Variants in CSMD1 observed in about 807,000 individuals in gnomAD.
CSMD1 encodes the protein CUB and sushi domain-containing protein 1.
A neutral mutation model predicts 417.5 loss-of-function variants in CSMD1; 213 were observed. That is an observed-to-expected ratio of 0.51 (90% CI 0.46 to 0.57). The LOEUF (loss-of-function observed/expected upper bound fraction) is 0.57. Ranked by LOEUF, CSMD1 falls within the 20% of genes least tolerant of loss-of-function variation. CSMD1 has a pLI of 0.00. For synonymous variants in CSMD1, 2,862 were observed against 1,736.8 expected, an observed-to-expected ratio of 1.65 and a Z score of -16.11; for missense variants, 6,923 against 4,529.7, an observed-to-expected ratio of 1.53 and a Z score of -15.17.
intron 7 of CSMD1, among the ~76,000 whole-genome samples, chr8:3,617,003 T>C (rs965273294): frequency 2.0e-5 from 3 of 152,210 alleles, no homozygotes; most frequent in African/African-American, 7.2e-5. Context: ...AGTGAAAGGA[T>C]GATAATCTTT....
At chr8:4,528,980 T>A (rs1047638683) in intron 2 of CSMD1, among the ~76,000 whole-genome samples, 5 of 152,192 alleles carry the variant, frequency 3.3e-5, no homozygotes, top group South Asian at 2.1e-4. Context: ...TTTGTGAGAT[T>A]TATTAACAAA....
At chr8:3,063,790 C>G (rs116295811) in intron 49 of CSMD1, among the ~76,000 whole-genome samples, 337 of 152,160 alleles carry the variant, frequency 2.2e-3, no homozygotes, top group African/African-American at 7.8e-3. Flanking sequence ...TTCAGAGAGA[C>G]AAAGTAAAAT....
At chr8:3,083,632 A>T (rs1231073478) in intron 49 of CSMD1, among the ~76,000 whole-genome samples, 1 of 28,054 alleles carries the variant, frequency 3.6e-5, no homozygotes, top group African/African-American at 1.5e-4. Context: ...ATATATATAT[A>T]TATATATATA....
intron 42 of CSMD1, among the ~76,000 whole-genome samples, chr8:3,112,421 C>G (rs746974): frequency 0.22 from 33,682 of 152,114 alleles, 3,850 homozygotes; most frequent in East Asian, 0.31. Flanking sequence ...AAAAAGCCAT[C>G]GTTCCCACCT....
At chr8:4,399,386 C>G (rs1209608657) in intron 3 of CSMD1, among the ~76,000 whole-genome samples, 5 of 152,150 alleles carry the variant, frequency 3.3e-5, no homozygotes, top group Non-Finnish European at 1.5e-5. Context: ...AATAGAGTTT[C>G]AAACATAGGC....
chr8:3,314,015 C>G (rs923237733), intron 23 of CSMD1, among the ~76,000 whole-genome samples: 4 of 151,924 alleles, frequency 2.6e-5, no homozygotes, highest in Admixed American at 6.6e-5. Context: ...CAAACTATCA[C>G]AAGGACAAAA....
intron 7 of CSMD1, among the ~76,000 whole-genome samples, chr8:3,675,697 G>A (rs1412096724): frequency 6.6e-6 from 1 of 152,178 alleles, no homozygotes; most frequent in African/African-American, 2.4e-5. Context: ...CAGGAAACGG[G>A]TCCTTGCAAG....
intron 3 of CSMD1, among the ~76,000 whole-genome samples, chr8:4,414,184 CTCTT>C (rs1796802452): frequency 6.6e-6 from 1 of 152,132 alleles, no homozygotes; most frequent in Non-Finnish European, 1.5e-5. Flanking sequence ...AATCTAGCTG[CTCTT>C]TCTAAATCCA....
At chr8:3,752,899 A>G (rs1286197228) in intron 6 of CSMD1, among the ~76,000 whole-genome samples, 1 of 152,108 alleles carries the variant, frequency 6.6e-6, no homozygotes, top group East Asian at 1.9e-4. Flanking sequence ...TGAAAGCATT[A>G]TGGATTTTAA....
chr8:3,700,101 T>C (rs1267840215), intron 7 of CSMD1, among the ~76,000 whole-genome samples: 1 of 152,080 alleles, frequency 6.6e-6, no homozygotes, highest in Admixed American at 6.6e-5. Flanking sequence ...TCTGTGGACG[T>C]TGGGGGAAGA....
intron 36 of CSMD1, 83 bp downstream of exon 36, chr8:3,187,786 G>T: frequency 1.0e-6 from 1 of 969,686 alleles, no homozygotes; most frequent in Non-Finnish European, 1.6e-6. Flanking sequence ...ATTTCTATGT[G>T]GAGTGTTTGC....
intron 51 of CSMD1, among the ~76,000 whole-genome samples, chr8:3,025,186 G>A (rs1297763513): frequency 6.7e-6 from 1 of 149,742 alleles, no homozygotes. Context: ...CTGATACCGT[G>A]TATTGTGTGG....
At chr8:4,511,451 G>C (rs754802233) in intron 2 of CSMD1, among the ~76,000 whole-genome samples, 1 of 152,188 alleles carries the variant, frequency 6.6e-6, no homozygotes, top group Non-Finnish European at 1.5e-5. Context: ...TTAAAAAGCA[G>C]AATACAGTTT....
chr8:4,391,057 C>T (rs1019236274), intron 3 of CSMD1, among the ~76,000 whole-genome samples: 1 of 152,186 alleles, frequency 6.6e-6, no homozygotes. Flanking sequence ...AACCCCAGAG[C>T]ACTAGGGTCG....
chr8:3,294,526 C>T (rs569587158), intron 25 of CSMD1, among the ~76,000 whole-genome samples: 96 of 151,404 alleles, frequency 6.3e-4, no homozygotes, highest in African/African-American at 1.9e-3. Context: ...CAATGGCGGG[C>T]GCCCCTCCCC....
intron 5 of CSMD1, among the ~76,000 whole-genome samples, chr8:3,788,560 A>G (rs555851800): frequency 1.8e-4 from 27 of 152,350 alleles, no homozygotes; most frequent in African/African-American, 6.3e-4. Context: ...TCCATCCGTC[A>G]ATTAATTTAA....
At chr8:4,222,859 T>A (rs1801123508) in intron 3 of CSMD1, among the ~76,000 whole-genome samples, 1 of 152,156 alleles carries the variant, frequency 6.6e-6, no homozygotes, top group South Asian at 2.1e-4. Context: ...GACAATTAAT[T>A]TGTTTTGATC....
intron 3 of CSMD1, among the ~76,000 whole-genome samples, chr8:4,374,109 C>T (rs1043501044): frequency 2.0e-5 from 3 of 152,104 alleles, no homozygotes; most frequent in African/African-American, 7.2e-5. Flanking sequence ...ATGGTTTTCA[C>T]ACCTGCCATT....
At chr8:4,423,121 G>A (rs998161812) in intron 2 of CSMD1, among the ~76,000 whole-genome samples, 3 of 152,044 alleles carry the variant, frequency 2.0e-5, no homozygotes, top group Non-Finnish European at 4.4e-5. Flanking sequence ...GAATGCTTCT[G>A]CCTAAGACTG....
Sources: allele counts gnomAD v4.1 joint callset (sites outside exome capture counted in the v4.1 genomes callset), GRCh38; gene constraint gnomAD v4.1.1; transcripts MANE v1.5; gene names NCBI Gene and HGNC (gene_info 2026-07-23, HGNC 2026-07-21).